The following ASTN2 variants were observed in gnomAD, a reference collection of about 807,000 sequenced individuals.
ASTN2 encodes astrotactin-2.
ASTN2 carries 54 observed loss-of-function variants against 139.8 expected under a neutral mutation model. The observed-to-expected ratio is 0.39, with a 90% CI of 0.31 to 0.48. The LOEUF (loss-of-function observed/expected upper bound fraction) is 0.48, where lower values mean the gene tolerates loss of function less well. Ranked by LOEUF, ASTN2 falls within the 20% of genes least tolerant of loss-of-function variation. The pLI, the probability that ASTN2 is intolerant of heterozygous loss-of-function variation, is 0.95. For synonymous variants in ASTN2, 756 were observed against 719.5 expected (o/e 1.05, Z -0.81); for missense variants, 1,565 against 1,725.1 (o/e 0.91, Z 1.64).
rs148819857 is a variant in ASTN2, at chr9:116,662,778, A to G, written c.2807-10985T>C. Among the ~76,000 whole-genome samples the G allele has an allele frequency of 5.8e-3, 881 of 152,318 alleles. 10 individuals are homozygous for G. The highest frequency in any genetic ancestry group is 0.02 in the African/African-American group (831 of 41,586). ...AGAAAATCATATTTCCCAATCTTCT[A>G]TTCTTTGCCAAACACAAGACATTGT... On this transcript the variant is annotated intron_variant, in intron 16 of 22. Coordinates refer to ENST00000313400, the MANE Select transcript of ASTN2 (RefSeq NM_001365068.1).
intron 17 of ASTN2, among the ~76,000 whole-genome samples, chr9:116,627,731 G>A (rs1288789459): frequency 6.6e-6 from 1 of 152,188 alleles, no homozygotes; most frequent in African/African-American, 2.4e-5. Flanking sequence ...TGAAGCCCAT[G>A]CTGTCAGCCA....
intron 10 of ASTN2, among the ~76,000 whole-genome samples, chr9:116,895,131 C>T (rs745359472): frequency 5.3e-5 from 8 of 152,106 alleles, no homozygotes; most frequent in East Asian, 1.9e-4. Flanking sequence ...TTTTTGAGTG[C>T]GACATGACAC....
intron 3 of ASTN2, among the ~76,000 whole-genome samples, chr9:117,160,620 G>T (rs376213883): frequency 6.6e-6 from 1 of 151,976 alleles, no homozygotes. Context: ...GTTTCCAAAT[G>T]TATGCTAAAT....
In ASTN2 at chr9:117,214,526, G is replaced by T. The variant is rs750574268; in HGVS notation, c.847C>A (p.Pro283Thr). The T allele has an allele frequency of 6.2e-7, 1 of 1,613,984 alleles. No individual in the cohort carries two copies. The highest frequency in any genetic ancestry group is 1.7e-5 in the Admixed American group (1 of 60,022). ...LQTHNSVIGV[P>T]IRETPILDDY... ...TCCAGGATGGGAGTCTCCCGGATGG[G>T]CACGCCAATGACGGAATTGTGGGTT... Residue 283 changes from proline to threonine, a missense_variant, in exon 3 of 23, where the codon CCC becomes ACC. By Grantham distance (38) the Pro-to-Thr change is conservative (BLOSUM62 -1). Transcript: ENST00000313400.
chr9:116,642,444 G>A (rs811690), intron 17 of ASTN2, among the ~76,000 whole-genome samples: 18,651 of 151,940 alleles, frequency 0.12, 1,215 homozygotes, highest in East Asian at 0.15. Context: ...GGTATCCCAA[G>A]TGCCCAGAAC....
At chr9:116,761,964 A>G (rs770070107) in intron 13 of ASTN2, among the ~76,000 whole-genome samples, 1 of 152,190 alleles carries the variant, frequency 6.6e-6, no homozygotes, top group Non-Finnish European at 1.5e-5. Context: ...GTGCTGGCGA[A>G]GATTCTTAGA....
chr9:116,604,163 C>T lies in ASTN2; in HGVS notation c.3355+14161G>A, dbSNP rs545513226. On this transcript the variant is annotated intron_variant, in intron 19 of 22. Transcript: ENST00000313400. ...GCCTGTCCTGTTACCATTCCATACCCAGGACATAGACCATAGTAACAGCTC... is the reference window on the plus strand; with the variant it reads ...GCCTGTCCTGTTACCATTCCATACCTAGGACATAGACCATAGTAACAGCTC... 5.3e-5 allele frequency among the ~76,000 whole-genome samples: 8 copies of T among 152,238 alleles called. No individual in the cohort carries two copies. The East Asian group carries it at 1.5e-3, about 29-fold the overall frequency.
chr9:116,651,938 C>T, intron 16 of ASTN2, 145 bp from the exon 17 acceptor site: 3 of 1,027,768 alleles, frequency 2.9e-6, no homozygotes, highest in Non-Finnish European at 4.2e-6. Context: ...ATTCATGATG[C>T]CTTGGAAAGA....
intron 20 of ASTN2, among the ~76,000 whole-genome samples, chr9:116,474,074 G>A (rs1848903198): frequency 6.6e-6 from 1 of 152,286 alleles, no homozygotes; most frequent in East Asian, 1.9e-4. Flanking sequence ...TTGAGACCCA[G>A]GAGAAATAAG....
At chr9:116,502,938 G>A (rs559399942) in intron 19 of ASTN2, among the ~76,000 whole-genome samples, 1 of 122,788 alleles carries the variant, frequency 8.1e-6, no homozygotes, top group South Asian at 2.8e-4. Flanking sequence ...AAAGATGGAA[G>A]GAAAGAAAAA....
At chr9:116,917,544 G>T (rs1834483925) in intron 10 of ASTN2, among the ~76,000 whole-genome samples, 1 of 152,170 alleles carries the variant, frequency 6.6e-6, no homozygotes, top group East Asian at 1.9e-4. Flanking sequence ...TCTTAAAGAG[G>T]AATAGCTTTT....
chr9:117,241,601 T>G (rs577593784), intron 2 of ASTN2, among the ~76,000 whole-genome samples: 3 of 152,148 alleles, frequency 2.0e-5, no homozygotes, highest in Admixed American at 6.6e-5. Flanking sequence ...ATAGGATTCG[T>G]GGTCCTATGA....
chr9:117,134,289 TATATATACACACAC>T (rs1235264885), intron 4 of ASTN2, among the ~76,000 whole-genome samples: 4,838 of 80,876 alleles, frequency 0.06, 114 homozygotes, highest in Middle Eastern at 0.1. Context: ...TATATATATA[TATATATACACACAC>T]ACACACACAC....
chr9:116,453,320 G>A (rs571897829), intron 20 of ASTN2, among the ~76,000 whole-genome samples: 32 of 152,138 alleles, frequency 2.1e-4, no homozygotes, highest in African/African-American at 7.0e-4. Context: ...AGCGCTGGGC[G>A]TGGTGGCTCA....
At chr9:116,555,888 G>A (rs1266938089) in intron 19 of ASTN2, among the ~76,000 whole-genome samples, 1 of 152,162 alleles carries the variant, frequency 6.6e-6, no homozygotes, top group Non-Finnish European at 1.5e-5. Context: ...TGGGTTAGAG[G>A]CTGCTAGTTC....
intron 5 of ASTN2, among the ~76,000 whole-genome samples, chr9:117,093,017 G>T (rs1258596202): frequency 6.6e-6 from 1 of 152,158 alleles, no homozygotes; most frequent in Non-Finnish European, 1.5e-5. Flanking sequence ...AGGGTGCAAA[G>T]GAACCTGAAG....
chr9:117,088,713 A>C (rs952538185), intron 5 of ASTN2, among the ~76,000 whole-genome samples: 16 of 152,226 alleles, frequency 1.1e-4, no homozygotes, highest in African/African-American at 3.9e-4. Context: ...CTGGAGAACT[A>C]AGCAGCAAAG....
intron 19 of ASTN2, among the ~76,000 whole-genome samples, chr9:116,537,294 A>AT (rs977480833): frequency 1.3e-5 from 2 of 152,002 alleles, no homozygotes; most frequent in Admixed American, 6.6e-5. Context: ...AATTTCTATA[A>AT]TTTTTTTCTT....
chr9:117,190,881 A>G (rs1403779481), intron 3 of ASTN2, among the ~76,000 whole-genome samples: 1 of 152,132 alleles, frequency 6.6e-6, no homozygotes, highest in Non-Finnish European at 1.5e-5. Flanking sequence ...ATTTGCTTAT[A>G]GTCTTTCTGT....
Sources: allele counts gnomAD v4.1 joint callset (sites outside exome capture counted in the v4.1 genomes callset), GRCh38; gene constraint gnomAD v4.1.1; transcripts MANE v1.5; gene names NCBI Gene and HGNC (gene_info 2026-07-23, HGNC 2026-07-21).